Variants in ATP6V0A2 observed in about 807,000 individuals in gnomAD.
ATP6V0A2 encodes the protein ATPase H+ transporting V0 subunit a2.
In ATP6V0A2, 58 loss-of-function variants were observed where a neutral mutation model predicts 104.4. The observed-to-expected ratio is 0.56, with a 90% confidence interval of 0.45 to 0.69. The LOEUF (loss-of-function observed/expected upper bound fraction) is 0.69, where lower values mean the gene tolerates loss of function less well. Among genes scored for constraint, ATP6V0A2 ranks in the 30% least tolerant of loss-of-function variants. The pLI, the probability that ATP6V0A2 is intolerant of heterozygous loss-of-function variation, is 0.00. For missense variants in ATP6V0A2, 938 were observed against 1,062.9 expected (o/e 0.88, Z 1.63); for synonymous variants, 376 against 397.9 (o/e 0.95, Z 0.65).
At chr12:123,745,608 A>C (rs1237049357) in intron 13 of ATP6V0A2, among the ~76,000 whole-genome samples, 1 of 151,836 alleles carries the variant, frequency 6.6e-6, no homozygotes, top group African/African-American at 2.4e-5. Context: ...CAGGAGGCTG[A>C]GGCAGGAGAA....
chr12:123,713,635 T>C (rs1005014532), intron 1 of ATP6V0A2, among the ~76,000 whole-genome samples: 7 of 151,986 alleles, frequency 4.6e-5, no homozygotes, highest in Non-Finnish European at 8.8e-5. Flanking sequence ...GAGCTTCCAG[T>C]GTGGGAGGAG....
intron 9 of ATP6V0A2, among the ~76,000 whole-genome samples, chr12:123,738,588 T>G (rs977374925): frequency 5.9e-5 from 9 of 152,204 alleles, no homozygotes; most frequent in Non-Finnish European, 1.0e-4. Flanking sequence ...TTTGTTTATT[T>G]GTTTGTTTGT....
At chr12:123,716,215 C>T (rs771924269) in intron 1 of ATP6V0A2, among the ~76,000 whole-genome samples, 8 of 151,892 alleles carry the variant, frequency 5.3e-5, no homozygotes, top group Non-Finnish European at 1.0e-4. Flanking sequence ...CACAGGCGCG[C>T]GCCACCACGC....
intron 16 of ATP6V0A2, among the ~76,000 whole-genome samples, chr12:123,751,439 G>A (rs1387655618): frequency 6.6e-6 from 1 of 152,124 alleles, no homozygotes; most frequent in Non-Finnish European, 1.5e-5. Context: ...CAGATCACTT[G>A]AGCCCAGGAG....
At chr12:123,729,536 C>T (rs765802091) in intron 6 of ATP6V0A2, among the ~76,000 whole-genome samples, 2 of 151,816 alleles carry the variant, frequency 1.3e-5, no homozygotes, top group Non-Finnish European at 2.9e-5. Context: ...GCTGTGGGGC[C>T]GAATGGTTCA....
At chr12:123,718,215 C>T (rs1175645668) in intron 1 of ATP6V0A2, among the ~76,000 whole-genome samples, 12 of 152,000 alleles carry the variant, frequency 7.9e-5, no homozygotes, top group African/African-American at 1.7e-4. Context: ...CTCAGCCTCC[C>T]GAGTAGCTGG....
chr12:123,715,587 C>T (rs986361421), intron 1 of ATP6V0A2, among the ~76,000 whole-genome samples: 1 of 152,086 alleles, frequency 6.6e-6, no homozygotes, highest in African/African-American at 2.4e-5. Context: ...AGATAAATTT[C>T]GTGTCTTAAA....
In ATP6V0A2 at chr12:123,735,595, C is replaced by T. The variant is rs1399943488; in HGVS notation, c.796C>T (p.Leu266=). 2 of 1,613,386 alleles carry T rather than the reference C, an allele frequency of 1.2e-6. No individual in the cohort carries two copies. The highest frequency in any genetic ancestry group is 2.7e-5 in the African/African-American group (2 of 74,732). The change falls in exon 8 of 20, where the codon CTG becomes TTG. Residue 266 remains leucine (L), a synonymous_variant. Coordinates refer to ENST00000330342, the MANE Select transcript of ATP6V0A2 (RefSeq NM_012463.4). ...GGAGCGGAGGGAGATCCAGGAGGGG[C>T]TGAACACCCGCATCCAGGATCTCTA... ...AEERREIQEG[L]NTRIQDLYTV...
At position 123,744,490 on chromosome 12, in the gene ATP6V0A2, C is replaced by T. The variant is rs953274588; in HGVS notation, c.1327-107C>T. The T allele has an allele frequency of 2.6e-6, 4 of 1,565,190 alleles. No homozygotes were observed. The highest frequency in any genetic ancestry group is 1.1e-5 in the South Asian group (1 of 89,554). ...GCGGCTGACAGGGATGTCTGCGGGG[C>T]GAGGCTGTTTTCTGAGAAGTGAGTG... On this transcript the variant is annotated intron_variant, in intron 11 of 19. Coordinates refer to ENST00000330342, the MANE Select transcript of ATP6V0A2 (RefSeq NM_012463.4). This position sits in a 1 kb window ranked among gnomAD's most constrained non-coding sequence, Gnocchi z 5.4.
intron 9 of ATP6V0A2, 122 bp from the exon 10 acceptor site, chr12:123,743,658 AAAAAC>A (rs1956630630): frequency 8.6e-7 from 1 of 1,156,490 alleles, no homozygotes. Context: ...CGTCTCAAAA[AAAAAC>A]AAAACAAAAC....
In ATP6V0A2 at chr12:123,737,174, T is replaced by C. The variant is rs747027944; in HGVS notation, c.941T>C (p.Met314Thr). Residue 314 changes from methionine (M) to threonine (T), a missense_variant, in exon 9 of 20, where the codon ATG becomes ACG. Met to Thr is a moderately conservative substitution (Grantham distance 81). Coordinates refer to ENST00000330342, the MANE Select transcript of ATP6V0A2 (RefSeq NM_012463.4). The stretch of plus-strand genomic sequence containing the variant: ...AAGGCCATCTATCACATGCTGAACA[T>C]GTGCAGCTTTGACGTGACCAACAAG... ...KMKAIYHMLN[M>T]CSFDVTNKCL... The C allele has an allele frequency of 1.2e-6, 2 of 1,614,156 alleles. No individual in the cohort carries two copies. The highest frequency in any genetic ancestry group is 8.5e-7 in the Non-Finnish European group (1 of 1,180,028).
chr12:123,750,442 G>A (rs950484334), intron 15 of ATP6V0A2: 2 of 155,168 alleles, frequency 1.3e-5, no homozygotes, highest in Non-Finnish European at 2.9e-5. Flanking sequence ...ATACAGCTTT[G>A]TGCCTGAGTA....
intron 13 of ATP6V0A2, among the ~76,000 whole-genome samples, chr12:123,745,966 G>A (rs574905113): frequency 6.6e-6 from 1 of 152,300 alleles, no homozygotes; most frequent in East Asian, 1.9e-4. Context: ...TCTCCAAGGA[G>A]GAAGTATCTC....
rs1312562722 is a variant in ATP6V0A2, at chr12:123,760,613, TCA to T, written c.*2582_*2583del. ...GATAAATGTCACGACACGACATTTC[TCA>T]GTTTTTATTTAGATGTTTATTACCA... On this transcript the variant is annotated 3_prime_UTR_variant, in exon 20 of 20. Coordinates refer to ENST00000330342, the MANE Select transcript of ATP6V0A2 (RefSeq NM_012463.4). 6.6e-6 allele frequency: 1 copy of T among 152,234 alleles called. No homozygotes were observed. The highest frequency in any genetic ancestry group is 3.2e-3 in the Middle Eastern group (1 of 316). 9.4% of individuals were successfully genotyped at this position (152,234 alleles called of 1,614,324 possible).
In ATP6V0A2 at chr12:123,733,313, CAA is replaced by C. The variant is rs11339028; in HGVS notation, c.649-595_649-594del. On this transcript the variant is annotated intron_variant, in intron 6 of 19. Coordinates refer to ENST00000330342, the MANE Select transcript of ATP6V0A2 (RefSeq NM_012463.4). ...GGGCACCAAGAGAGAGACTCTGTCT[CAA>C]AAAAAAAAAAAAAAAAAGTCACTGA... is the stretch of plus-strand genomic sequence containing the variant. 434 of 102,188 alleles carry C rather than the reference CAA, an allele frequency of 4.2e-3. 2 individuals are homozygous for C. The highest frequency in any genetic ancestry group is 5.5e-3 in the Non-Finnish European group (279 of 50,682). 6.3% of individuals were successfully genotyped at this position (102,188 alleles called of 1,614,324 possible). A position where few individuals can be genotyped will look rare whatever the true frequency, so the allele number is the denominator to read the frequency against.
intron 1 of ATP6V0A2, among the ~76,000 whole-genome samples, chr12:123,716,490 T>C (rs1272258975): frequency 2.0e-5 from 3 of 152,212 alleles, no homozygotes; most frequent in Non-Finnish European, 2.9e-5. Context: ...TTACCCATGA[T>C]TTTTAGAAAG....
At chr12:123,740,583 T>C (rs1415097989) in intron 9 of ATP6V0A2, among the ~76,000 whole-genome samples, 1 of 152,228 alleles carries the variant, frequency 6.6e-6, no homozygotes, top group Non-Finnish European at 1.5e-5. Context: ...GTTTTGTTAA[T>C]TTCATAAACG....
chr12:123,724,586 A>T (rs541629476), intron 3 of ATP6V0A2, 68 bp from the exon 4 acceptor site: 24 of 1,550,008 alleles, frequency 1.5e-5, no homozygotes, highest in Non-Finnish European at 2.0e-5. Flanking sequence ...GGTATACTGC[A>T]TGAAGATTAT....
chr12:123,718,680 G>A lies in ATP6V0A2; in HGVS notation c.175G>A (p.Glu59Lys). 1.2e-6 allele frequency: 2 copies of A among 1,612,134 alleles called. No individual in the cohort carries two copies. Among genetic ancestry groups the A allele is most frequent in the Non-Finnish European group, 1.7e-6 (2 of 1,178,838 alleles). The change falls in exon 2 of 20, where the codon GAA becomes AAA. Residue 59 changes from glutamate (E) to lysine (K), a missense_variant. Glu to Lys is a moderately conservative substitution (Grantham distance 56, BLOSUM62 1). Transcript: ENST00000330342. ...RKFVGEVKRCEELERILVYLV... is the reference protein window; with the variant it reads ...RKFVGEVKRCKELERILVYLV... The stretch of plus-strand genomic sequence containing the variant: ...ATTTGTTGGTGAGGTGAAGAGGTGT[G>A]AAGAGCTAGAGCGAATATTGGGTAA...
Sources: allele counts gnomAD v4.1 joint callset (sites outside exome capture counted in the v4.1 genomes callset), GRCh38; gene constraint gnomAD v4.1.1; non-coding constraint Gnocchi (gnomAD v3.1); transcripts MANE v1.5; gene names NCBI Gene and HGNC (gene_info 2026-07-23, HGNC 2026-07-21).